The following DNAH8 variants were observed in gnomAD, a reference collection of about 807,000 sequenced individuals.
The protein encoded by DNAH8 is dynein axonemal heavy chain 8, also known as axonemal beta dynein heavy chain 8.
A neutral mutation model predicts 562.1 loss-of-function variants in DNAH8; 382 were observed. That is an observed-to-expected ratio of 0.68 (90% CI 0.63 to 0.74). DNAH8 has a LOEUF of 0.74. DNAH8 is among the 30% of genes least tolerant of loss of function. DNAH8 has a pLI of 0.00. For synonymous variants in DNAH8, 1,881 were observed against 1,919.4 expected (o/e 0.98, Z 0.52); for missense variants, 5,203 against 5,620.4 (o/e 0.93, Z 2.37).
chr6:38,815,620 C>G lies in DNAH8; in HGVS notation c.3486C>G (p.Thr1162=). 1 of 1,613,050 alleles carries G rather than the reference C, an allele frequency of 6.2e-7. No homozygotes were observed. The highest frequency in any genetic ancestry group is 8.5e-7 in the Non-Finnish European group (1 of 1,179,418). ...CCAGCCCCACCACTACTGACGTGAC[C>G]CATCAAAACACAGGAAAACTGCTGA... ...VIPSPTTTDV[T]HQNTGKLLKK... Residue 1162 remains threonine (T), a synonymous_variant, in exon 26 of 93, where the codon ACC becomes ACG. Transcript: ENST00000327475.
At chr6:38,961,871 C>T (rs1236558943) in intron 82 of DNAH8, among the ~76,000 whole-genome samples, 2 of 151,642 alleles carry the variant, frequency 1.3e-5, no homozygotes, top group East Asian at 3.9e-4. Context: ...GATGTAACTA[C>T]CGGAAAGGAG....
intron 1 of DNAH8, among the ~76,000 whole-genome samples, chr6:38,722,206 C>T (rs1208892358): frequency 1.3e-5 from 2 of 152,084 alleles, no homozygotes; most frequent in African/African-American, 4.8e-5. Context: ...TCTGTTTGGA[C>T]TTGGGGTTAT....
chr6:38,850,451 A>G, intron 38 of DNAH8, 37 bp downstream of exon 38: 1 of 1,581,450 alleles, frequency 6.3e-7, no homozygotes, highest in South Asian at 1.1e-5. Flanking sequence ...ATCATTTTGT[A>G]TGTGACAGTG....
In DNAH8 at chr6:38,866,687, A is replaced by C. The variant is rs1314084104; in HGVS notation, c.6585+10A>C. ...GGTTCCTGATAGACAGGTATGCACT[A>C]GGATTTAAAAGCATAATGTGCTTTA... On this transcript the variant is annotated intron_variant, in intron 46 of 92. Transcript: ENST00000327475. 1 of 1,607,370 alleles carries C rather than the reference A, an allele frequency of 6.2e-7. No homozygotes were observed. The highest frequency in any genetic ancestry group is 1.3e-5 in the African/African-American group (1 of 74,636).
At chr6:38,779,446 A>G (rs996905582) in intron 14 of DNAH8, among the ~76,000 whole-genome samples, 2 of 152,012 alleles carry the variant, frequency 1.3e-5, no homozygotes, top group African/African-American at 4.8e-5. Context: ...TCATTTTATT[A>G]CCAGAATGTT....
intron 1 of DNAH8, among the ~76,000 whole-genome samples, chr6:38,715,947 TATA>T (rs1762281610): frequency 4.3e-5 from 1 of 23,136 alleles, no homozygotes; most frequent in African/African-American, 1.4e-4. Flanking sequence ...TATATATATA[TATA>T]TATATATATA....
At chr6:38,926,432 G>A (rs1041960925) in intron 74 of DNAH8, among the ~76,000 whole-genome samples, 1 of 151,996 alleles carries the variant, frequency 6.6e-6, no homozygotes, top group African/African-American at 2.4e-5. Flanking sequence ...ACATTTCCCT[G>A]ACTCCATTGC....
At chr6:38,903,249 A>G (rs758089195) in intron 62 of DNAH8, among the ~76,000 whole-genome samples, 1 of 152,162 alleles carries the variant, frequency 6.6e-6, no homozygotes, top group African/African-American at 2.4e-5. Context: ...TGCAGGCTGT[A>G]CAGGAAGTGT....
chr6:38,835,181 T>G (rs1480449883), intron 32 of DNAH8, among the ~76,000 whole-genome samples: 2 of 152,162 alleles, frequency 1.3e-5, no homozygotes, highest in African/African-American at 4.8e-5. Context: ...AATTCATGGA[T>G]TCCTATGTGA....
At chr6:38,913,588 A>G (rs773137277) in intron 66 of DNAH8, among the ~76,000 whole-genome samples, 3 of 152,182 alleles carry the variant, frequency 2.0e-5, no homozygotes, top group South Asian at 2.1e-4. Flanking sequence ...ATCTTATTCA[A>G]TAGGACATTG....
At chr6:38,923,573 AAG>A in intron 72 of DNAH8, 1 of 170,100 alleles carries the variant, frequency 5.9e-6, no homozygotes, top group East Asian at 1.6e-4. Context: ...GAAAACTTAA[AAG>A]AGAGGGGAAT....
intron 18 of DNAH8, 93 bp downstream of exon 18, chr6:38,787,045 C>A: frequency 2.9e-6 from 2 of 697,390 alleles, no homozygotes; most frequent in Non-Finnish European, 4.1e-6. Flanking sequence ...AGTTATGCTT[C>A]ATGGCATTGA....
At chr6:38,786,614 C>T (rs1769179849) in intron 17 of DNAH8, 151 bp from the exon 18 acceptor site, 1 of 676,836 alleles carries the variant, frequency 1.5e-6, no homozygotes, top group South Asian at 2.1e-5. Flanking sequence ...TCACTATGTG[C>T]CAGACGCTGT....
At chr6:38,974,808 G>T (rs1001104695) in intron 85 of DNAH8, among the ~76,000 whole-genome samples, 13 of 152,138 alleles carry the variant, frequency 8.5e-5, no homozygotes, top group Admixed American at 2.6e-4. Flanking sequence ...ACAACAGCAC[G>T]CAGGGGATTG....
chr6:38,930,601 A>G (rs1245364716), intron 75 of DNAH8, among the ~76,000 whole-genome samples: 2 of 152,182 alleles, frequency 1.3e-5, no homozygotes, highest in African/African-American at 2.4e-5. Context: ...GCATCATTCT[A>G]TAAGATTAGA....
chr6:39,022,319 C>T (rs1276986725), intron 91 of DNAH8, among the ~76,000 whole-genome samples: 1 of 152,194 alleles, frequency 6.6e-6, no homozygotes, highest in Non-Finnish European at 1.5e-5. Context: ...TCTGCCTTCA[C>T]GGTACTGTCC....
At chr6:38,801,774 T>A (rs1276751403) in intron 21 of DNAH8, among the ~76,000 whole-genome samples, 2 of 152,094 alleles carry the variant, frequency 1.3e-5, no homozygotes, top group Non-Finnish European at 2.9e-5. Flanking sequence ...TAAAAAATGA[T>A]GAGAATGCAT....
At position 38,826,259 on chromosome 6, in the gene DNAH8, AT is replaced by A; in HGVS notation, c.3954del (p.Phe1318LeufsTer6). 6.2e-7 allele frequency: 1 copy of A among 1,613,368 alleles called. No individual in the cohort carries two copies. The highest frequency in any genetic ancestry group is 8.5e-7 in the Non-Finnish European group (1 of 1,179,484). On this transcript the variant is annotated frameshift_variant, in exon 29 of 93. Transcript: ENST00000327475. LOFTEE classifies it high-confidence loss of function. ...YKKKMSYMIA[F>X]INEYLKKLSR... ...AAAAGAAAATGTCATACATGATAGCATTTATTAATGAATACTTGAAAAAGTT... is the reference window on the plus strand; with the variant it reads ...AAAAGAAAATGTCATACATGATAGCATTATTAATGAATACTTGAAAAAGTT...
intron 82 of DNAH8, among the ~76,000 whole-genome samples, chr6:38,966,135 G>A (rs1487419830): frequency 6.6e-6 from 1 of 151,058 alleles, no homozygotes; most frequent in East Asian, 1.9e-4. Flanking sequence ...AGAAGAGAAA[G>A]TGAAGATTAC....
Sources: allele counts gnomAD v4.1 joint callset (sites outside exome capture counted in the v4.1 genomes callset), GRCh38; gene constraint gnomAD v4.1.1; transcripts MANE v1.5; gene names NCBI Gene and HGNC (gene_info 2026-07-23, HGNC 2026-07-21).